The following MAFA variants were observed in gnomAD, a reference collection of about 807,000 sequenced individuals.
The protein encoded by MAFA is transcription factor MafA.
For synonymous variants in MAFA, 244 were observed against 260.3 expected, an observed-to-expected ratio of 0.94 and a Z score of 0.60; for missense variants, 547 against 538.0, an observed-to-expected ratio of 1.02 and a Z score of -0.16.
Position 143,429,393 on chromosome 8 carries a change from C to T in MAFA, c.1014G>A (p.Pro338=), listed in dbSNP as rs777768186. The part of the protein sequence containing the change: ...GAGFPREPSP[P]QAGPGGAKGT... ...CCTTGGCCCCGCCGGGACCGGCCTG[C>T]GGCGGCGAAGGCTCCCGCGGGAAAC... The change falls in exon 1 of 1, where the codon CCG becomes CCA. Residue 338 remains proline, a synonymous_variant. Coordinates refer to ENST00000333480, the MANE Select transcript of MAFA (RefSeq NM_201589.4). This position sits in a 1 kb window ranked among gnomAD's most constrained non-coding sequence, Gnocchi z 5.9. 4.7e-5 allele frequency: 69 copies of T among 1,467,318 alleles called. No homozygotes were observed. Among genetic ancestry groups the T allele is most frequent in the Non-Finnish European group, 8.0e-6 (9 of 1,118,674 alleles). The allele number at this position is 1,467,318 out of a possible 1,614,324, so 90.9% of individuals were successfully genotyped here.
rs1263973968 is a variant in MAFA, at chr8:143,430,287, G to C, written c.120C>G (p.Arg40=). 1 of 1,450,974 alleles carries C rather than the reference G, an allele frequency of 6.9e-7. No homozygotes were observed. Among genetic ancestry groups the C allele is most frequent in the African/African-American group, 1.5e-5 (1 of 66,944 alleles). The allele number at this position is 1,450,974 out of a possible 1,614,324, so 89.9% of individuals were successfully genotyped here. A position where few individuals can be genotyped will look rare whatever the true frequency, so the allele number is the denominator to read the frequency against. ...EVKKEPPEAE[R]FCHRLPPGSL... ...AGCCTGGCGGCAGGCGGTGGCAGAA[G>C]CGCTCGGCCTCGGGAGGCTCCTTCT... Residue 40 remains arginine (R), a synonymous_variant, in exon 1 of 1, where the codon CGC becomes CGG. Coordinates refer to ENST00000333480, the MANE Select transcript of MAFA (RefSeq NM_201589.4).
At position 143,430,681 on chromosome 8, in the gene MAFA, G is replaced by T. The variant is rs1421878826; in HGVS notation, c.-275C>A. Among the ~76,000 whole-genome samples, 1 of 147,720 alleles carries T rather than the reference G, an allele frequency of 6.8e-6. No individual in the cohort carries two copies. Among genetic ancestry groups the T allele is most frequent in the Non-Finnish European group, 1.5e-5 (1 of 66,464 alleles). On this transcript the variant is annotated 5_prime_UTR_variant, in exon 1 of 1. Coordinates refer to ENST00000333480, the MANE Select transcript of MAFA (RefSeq NM_201589.4). The stretch of plus-strand genomic sequence containing the variant: ...CGGCCGCCGCCTCGGGCTGCTCCGG[G>T]ACCGCTCCCGCGCCCCACCCGCGCC...
Position 143,429,697 on chromosome 8 carries a change from AC to A in MAFA, c.709del (p.Val237CysfsTer4). The stretch of plus-strand genomic sequence containing the variant: ...GCGGAGCTGCCGGTTCAGCTCGCGC[AC>A]CGACATGGACACCAGCTGGTCGTCG... ...FSDDQLVSMS[V>X]RELNRQLRGF... is the part of the protein sequence containing the mutation. On this transcript the variant is annotated frameshift_variant, in exon 1 of 1. Coordinates refer to ENST00000333480, the MANE Select transcript of MAFA (RefSeq NM_201589.4). LOFTEE classifies it low-confidence loss of function (END_TRUNC). This position sits in a 1 kb window ranked among gnomAD's most constrained non-coding sequence, Gnocchi z 5.9. 1 of 1,568,936 alleles carries A rather than the reference AC, an allele frequency of 6.4e-7. No homozygotes were observed. Among genetic ancestry groups the A allele is most frequent in the Non-Finnish European group, 8.6e-7 (1 of 1,165,190 alleles).
chr8:143,430,569 C>A lies in MAFA; in HGVS notation c.-163G>T, dbSNP rs971620822. Among the ~76,000 whole-genome samples, 38 of 142,524 alleles carry A rather than the reference C, an allele frequency of 2.7e-4. No homozygotes were observed. The highest frequency in any genetic ancestry group is 9.2e-4 in the African/African-American group (37 of 40,208). The allele number at this position is 142,524 out of a possible 152,430, so 93.5% of individuals were successfully genotyped here. A position where few individuals can be genotyped will look rare whatever the true frequency, so the allele number is the denominator to read the frequency against. On this transcript the variant is annotated 5_prime_UTR_variant, in exon 1 of 1. Coordinates refer to ENST00000333480, the MANE Select transcript of MAFA (RefSeq NM_201589.4). ...CCGAGGGGCGCAGGGAAAAGTTTCA[C>A]GTGGTCAACTCCGGGGCGGCGCGCT... is the stretch of plus-strand genomic sequence containing the variant.
chr8:143,428,481 T>C lies in MAFA; in HGVS notation c.*864A>G, dbSNP rs1002698594. The C allele has an allele frequency of 6.6e-6, 1 of 152,198 alleles. No homozygotes were observed. Among genetic ancestry groups the C allele is most frequent in the Non-Finnish European group, 1.5e-5 (1 of 68,032 alleles). The allele number at this position is 152,198 out of a possible 1,614,324, so 9.4% of individuals were successfully genotyped here. On this transcript the variant is annotated 3_prime_UTR_variant, in exon 1 of 1. Transcript: ENST00000333480. ...AAAAAAAAAAATTTTCTGCTAGAAA[T>C]ACTGTGCATTACTTTTTTCTTTCAC...
Position 143,430,487 on chromosome 8 carries a change from T to G in MAFA, c.-81A>C. The G allele has an allele frequency of 2.9e-6, 1 of 339,876 alleles. No individual in the cohort carries two copies. Among genetic ancestry groups the G allele is most frequent in the Non-Finnish European group, 4.0e-6 (1 of 252,388 alleles). The allele number at this position is 339,876 out of a possible 1,614,324, so 21.1% of individuals were successfully genotyped here. On this transcript the variant is annotated 5_prime_UTR_variant, in exon 1 of 1. Transcript: ENST00000333480. ...AGCTGCAGGCCTCTCCCCCCCCTGCTCCCCGCGGGCGGCGGTCCCGGCGGG... is the reference window on the plus strand; with the variant it reads ...AGCTGCAGGCCTCTCCCCCCCCTGCGCCCCGCGGGCGGCGGTCCCGGCGGG...
In MAFA at chr8:143,430,581, C is replaced by T. The variant is rs192971492; in HGVS notation, c.-175G>A. Among the ~76,000 whole-genome samples, 575 of 141,996 alleles carry T rather than the reference C, an allele frequency of 4.0e-3. 4 individuals are homozygous for T. Among genetic ancestry groups the T allele is most frequent in the African/African-American group, 0.013 (534 of 40,282 alleles). 93.2% of individuals were successfully genotyped at this position (141,996 alleles called of 152,430 possible). On this transcript the variant is annotated 5_prime_UTR_variant, in exon 1 of 1. Coordinates refer to ENST00000333480, the MANE Select transcript of MAFA (RefSeq NM_201589.4). ...GGGAAAAGTTTCACGTGGTCAACTC[C>T]GGGGCGGCGCGCTAGGGGCACCGCT...
rs1313092915 is a variant in MAFA at position 143,430,584 on chromosome 8, G to A, written c.-178C>T. ...AAAAGTTTCACGTGGTCAACTCCGG[G>A]GCGGCGCGCTAGGGGCACCGCTGGC... On this transcript the variant is annotated 5_prime_UTR_variant, in exon 1 of 1. Coordinates refer to ENST00000333480, the MANE Select transcript of MAFA (RefSeq NM_201589.4). Among the ~76,000 whole-genome samples, 1 of 145,618 alleles carries A rather than the reference G, an allele frequency of 6.9e-6. No individual in the cohort carries two copies. The highest frequency in any genetic ancestry group is 1.5e-5 in the Non-Finnish European group (1 of 65,476).
Position 143,429,372 on chromosome 8 carries a change from G to A in MAFA, c.1035C>T (p.Ala345=), listed in dbSNP as rs899305667. 7.1e-7 allele frequency: 1 copy of A among 1,401,586 alleles called. No homozygotes were observed. The highest frequency in any genetic ancestry group is 9.2e-7 in the Non-Finnish European group (1 of 1,088,918). The allele number at this position is 1,401,586 out of a possible 1,614,324, so 86.8% of individuals were successfully genotyped here. ...ACAGGAAGAAGTCGGCCGTGCCCTT[G>A]GCCCCGCCGGGACCGGCCTGCGGCG... ...PSPPQAGPGG[A]KGTADFFL is the part of the protein sequence containing the mutation. Residue 345 remains alanine (A), a synonymous_variant, in exon 1 of 1, where the codon GCC becomes GCT. Coordinates refer to ENST00000333480, the MANE Select transcript of MAFA (RefSeq NM_201589.4). The surrounding 1 kb of genome is among the most constrained non-coding windows in gnomAD (Gnocchi z 5.9).
Position 143,430,324 on chromosome 8 carries a change from T to C in MAFA, c.83A>G (p.Lys28Arg). ...IEYVNDFDLM[K>R]FEVKKEPPEA... is the part of the protein sequence containing the mutation. ...GGGAGGCTCCTTCTTCACCTCGAACTTCATCAGGTCGAAGTCGTTGACGTA... is the reference window on the plus strand; with the variant it reads ...GGGAGGCTCCTTCTTCACCTCGAACCTCATCAGGTCGAAGTCGTTGACGTA... The change falls in exon 1 of 1, where the codon AAG (lysine) becomes AGG (arginine). Residue 28 changes from lysine (K) to arginine (R), a missense_variant. Coordinates refer to ENST00000333480, the MANE Select transcript of MAFA (RefSeq NM_201589.4). 1 of 1,449,416 alleles carries C rather than the reference T, an allele frequency of 6.9e-7. No homozygotes were observed. The allele number at this position is 1,449,416 out of a possible 1,614,324, so 89.8% of individuals were successfully genotyped here.
Position 143,429,719 on chromosome 8 carries a change from C to G in MAFA, c.688G>C (p.Asp230His), listed in dbSNP as rs1819501543. The change falls in exon 1 of 1, where the codon GAC becomes CAC. Residue 230 changes from aspartate to histidine, a missense_variant. By Grantham distance (81) the Asp-to-His change is moderately conservative. Transcript: ENST00000333480. This position sits in a 1 kb window ranked among gnomAD's most constrained non-coding sequence, Gnocchi z 5.9. Reference sequence around the variant, plus strand: ...CGCACCGACATGGACACCAGCTGGTCGTCGGAGAAGCGCTCCTCCAGGCGC... The same window carrying G: ...CGCACCGACATGGACACCAGCTGGTGGTCGGAGAAGCGCTCCTCCAGGCGC... ...HVRLEERFSD[D>H]QLVSMSVREL... is the part of the protein sequence containing the mutation. 6.4e-7 allele frequency: 1 copy of G among 1,557,952 alleles called. No individual in the cohort carries two copies. Among genetic ancestry groups the G allele is most frequent in the African/African-American group, 1.4e-5 (1 of 73,818 alleles).
At position 143,429,368 on chromosome 8, in the gene MAFA, C is replaced by A. The variant is rs62521874; in HGVS notation, c.1039G>T (p.Gly347Cys). ...GCCTACAGGAAGAAGTCGGCCGTGC[C>A]CTTGGCCCCGCCGGGACCGGCCTGC... The part of the protein sequence containing the change: ...PPQAGPGGAK[G>C]TADFFL Residue 347 changes from glycine to cysteine, a missense_variant, in exon 1 of 1, where the codon GGC (glycine) becomes TGC (cysteine). Physicochemically the swap from Gly to Cys is radical, Grantham distance 159. Coordinates refer to ENST00000333480, the MANE Select transcript of MAFA (RefSeq NM_201589.4). This position sits in a 1 kb window ranked among gnomAD's most constrained non-coding sequence, Gnocchi z 5.9. The A allele has an allele frequency of 0.066, 92,599 of 1,399,650 alleles. 3,387 individuals are homozygous for A. The highest frequency in any genetic ancestry group is 0.074 in the Non-Finnish European group (80,770 of 1,087,784). 86.7% of individuals were successfully genotyped at this position (1,399,650 alleles called of 1,614,324 possible).
In MAFA at chr8:143,429,802, TG is replaced by T; in HGVS notation, c.604del (p.His202ThrfsTer39). ...AHHHHAAHHH[H>X]HHHHHHGGAG... ...GCCGCCATGGTGGTGGTGGTGGTGGTGGTGGTGGTGGGCGGCGTGGTGATGG... is the reference window on the plus strand; with the variant it reads ...GCCGCCATGGTGGTGGTGGTGGTGGTGTGGTGGTGGGCGGCGTGGTGATGG... On this transcript the variant is annotated frameshift_variant, in exon 1 of 1. Transcript: ENST00000333480. LOFTEE classifies it low-confidence loss of function (END_TRUNC). This position sits in a 1 kb window ranked among gnomAD's most constrained non-coding sequence, Gnocchi z 5.9. The T allele has an allele frequency of 6.7e-7, 1 of 1,491,762 alleles. No homozygotes were observed. The highest frequency in any genetic ancestry group is 8.9e-7 in the Non-Finnish European group (1 of 1,120,774). 92.4% of individuals were successfully genotyped at this position (1,491,762 alleles called of 1,614,324 possible).
In MAFA at chr8:143,430,089, G is replaced by T. The variant is rs1563825154; in HGVS notation, c.318C>A (p.Gly106=). 2.6e-5 allele frequency: 31 copies of T among 1,190,456 alleles called. No individual in the cohort carries two copies. The highest frequency in any genetic ancestry group is 4.9e-5 in the African/African-American group (3 of 61,098). 73.7% of individuals were successfully genotyped at this position (1,190,456 alleles called of 1,614,324 possible). A position where few individuals can be genotyped will look rare whatever the true frequency, so the allele number is the denominator to read the frequency against. The change falls in exon 1 of 1, where the codon GGC becomes GGA. Residue 106 remains glycine, a synonymous_variant. Coordinates refer to ENST00000333480, the MANE Select transcript of MAFA (RefSeq NM_201589.4). The stretch of plus-strand genomic sequence containing the variant: ...CCTCCAGCGCCGGCTTCCCCGAGGT[G>T]CCCCCGACGGCGCCGGGGCCCCCGC... ...PPSGGPGAVG[G]TSGKPALEDL... is the part of the protein sequence containing the mutation.
In MAFA at chr8:143,429,173, G is replaced by A; in HGVS notation, c.*172C>T. 2.6e-6 allele frequency: 2 copies of A among 779,640 alleles called. No individual in the cohort carries two copies. The highest frequency in any genetic ancestry group is 7.8e-5 in the East Asian group (2 of 25,700). The allele number at this position is 779,640 out of a possible 1,614,324, so 48.3% of individuals were successfully genotyped here. A position where few individuals can be genotyped will look rare whatever the true frequency, so the allele number is the denominator to read the frequency against. On this transcript the variant is annotated 3_prime_UTR_variant, in exon 1 of 1. Coordinates refer to ENST00000333480, the MANE Select transcript of MAFA (RefSeq NM_201589.4). This position sits in a 1 kb window ranked among gnomAD's most constrained non-coding sequence, Gnocchi z 5.9. Reference sequence around the variant, plus strand: ...ACCCGGGCCGACGCGCGCGAACGGGGACCGGGAGCGAAGGGGCCTCCAGCC... The same window carrying A: ...ACCCGGGCCGACGCGCGCGAACGGGAACCGGGAGCGAAGGGGCCTCCAGCC...
chr8:143,430,503 T>G lies in MAFA; in HGVS notation c.-97A>C, dbSNP rs1289351740. On this transcript the variant is annotated 5_prime_UTR_variant, in exon 1 of 1. Transcript: ENST00000333480. ...CCCCCCTGCTCCCCGCGGGCGGCGG[T>G]CCCGGCGGGGGCGGGGGGGCGCCGG... is the stretch of plus-strand genomic sequence containing the variant. The G allele has an allele frequency of 1.4e-5, 3 of 209,720 alleles. No homozygotes were observed. Among genetic ancestry groups the G allele is most frequent in the African/African-American group, 5.6e-5 (2 of 35,546 alleles). 13.0% of individuals were successfully genotyped at this position (209,720 alleles called of 1,614,324 possible).
At position 143,430,053 on chromosome 8, in the gene MAFA, C is replaced by T; in HGVS notation, c.354G>A (p.Trp118Ter). 7.5e-7 allele frequency: 1 copy of T among 1,337,526 alleles called. No homozygotes were observed. Among genetic ancestry groups the T allele is most frequent in the Non-Finnish European group, 9.7e-7 (1 of 1,033,920 alleles). The allele number at this position is 1,337,526 out of a possible 1,614,324, so 82.9% of individuals were successfully genotyped here. ...TGAGGTGATGCTGGTAGCCGCTCAT[C>T]CAGTACAGATCCTCCAGCGCCGGCT... ...SGKPALEDLYWMSGYQHHLNP... is the reference protein window; with the variant it reads ...SGKPALEDLY Residue 118 changes from tryptophan to a stop codon, truncating the protein, a stop_gained, in exon 1 of 1, where the codon TGG (tryptophan) becomes TGA (stop). Transcript: ENST00000333480. LOFTEE classifies it low-confidence loss of function (END_TRUNC).
rs1819481030 is a variant in MAFA, at chr8:143,428,379, A to G, written c.*966T>C. ...AAAGAAAGATTCCACAAACAAAACG[A>G]AACACAATTTAAATTAAAATAAAAA... On this transcript the variant is annotated 3_prime_UTR_variant, in exon 1 of 1. Transcript: ENST00000333480. 6.6e-6 allele frequency: 1 copy of G among 152,224 alleles called. No homozygotes were observed. Among genetic ancestry groups the G allele is most frequent in the Non-Finnish European group, 1.5e-5 (1 of 68,044 alleles). The allele number at this position is 152,224 out of a possible 1,614,324, so 9.4% of individuals were successfully genotyped here.
rs778545207 is a variant in MAFA at position 143,429,672 on chromosome 8, G to T, written c.735C>A (p.Arg245=). 4 of 1,578,358 alleles carry T rather than the reference G, an allele frequency of 2.5e-6. No individual in the cohort carries two copies. The South Asian group carries it at 4.5e-5, about 18-fold the overall frequency. The change falls in exon 1 of 1, where the codon CGC becomes CGA. Residue 245 remains arginine (R), a synonymous_variant. Transcript: ENST00000333480. This position sits in a 1 kb window ranked among gnomAD's most constrained non-coding sequence, Gnocchi z 5.9. ...MSVRELNRQL[R]GFSKEEVIRL... is the part of the protein sequence containing the mutation. The stretch of plus-strand genomic sequence containing the variant: ...GGATGACCTCCTCCTTGCTGAAGCC[G>T]CGGAGCTGCCGGTTCAGCTCGCGCA...
Sources: gnomAD v4.1 joint callset for allele counts (sites outside exome capture counted in the v4.1 genomes callset) on GRCh38, gnomAD v4.1.1 for gene constraint, Gnocchi (gnomAD v3.1) non-coding constraint, MANE v1.5 for transcripts, NCBI Gene and HGNC (gene_info 2026-07-23, HGNC 2026-07-21) for gene names.